FN1: variants seen among roughly 807,000 people sequenced by gnomAD.
The protein encoded by FN1 is fibronectin.
Under a neutral mutation model 297.3 loss-of-function variants are expected in FN1, and 106 were observed. The ratio of observed to expected loss-of-function variants is 0.36; its 90% CI spans 0.30 to 0.42. FN1 has a LOEUF of 0.42. Ranked by LOEUF, FN1 falls within the 10% of genes least tolerant of loss-of-function variation. The pLI is 1.00. For missense variants in FN1, 2,690 were observed against 3,124.9 expected, an observed-to-expected ratio of 0.86 and a Z score of 3.32; for synonymous variants, 1,149 against 1,152.6, an observed-to-expected ratio of 1.00 and a Z score of 0.06.
chr2:215,431,719 C>G, intron 4 of FN1, 114 bp downstream of exon 4: 1 of 1,095,218 alleles, frequency 9.1e-7, no homozygotes, highest in East Asian at 2.4e-5. Flanking sequence ...ATTCCCATTT[C>G]TTTATTGGTT....
At chr2:215,365,731 G>T in intron 42 of FN1, 101 bp from the exon 43 acceptor site, 1 of 1,066,354 alleles carries the variant, frequency 9.4e-7, no homozygotes, top group Non-Finnish European at 1.4e-6. Context: ...TCAGAACCAT[G>T]ATCTGGAAAA....
In FN1 at chr2:215,434,842, A is replaced by G; in HGVS notation, c.149-18T>C. Reference sequence around the variant, plus strand: ...ACAACCGGCTGCAAATAATTGAAGGAAAACGTTACATTTGCATTTCTCCTT... The same window carrying G: ...ACAACCGGCTGCAAATAATTGAAGGGAAACGTTACATTTGCATTTCTCCTT... On this transcript the variant is annotated intron_variant, in intron 1 of 45. Transcript: ENST00000354785. 1 of 1,568,086 alleles carries G rather than the reference A, an allele frequency of 6.4e-7. No individual in the cohort carries two copies. Among genetic ancestry groups the G allele is most frequent in the Non-Finnish European group, 8.6e-7 (1 of 1,162,518 alleles).
intron 5 of FN1, among the ~76,000 whole-genome samples, chr2:215,430,353 C>T (rs1451819982): frequency 6.6e-6 from 1 of 152,200 alleles, no homozygotes; most frequent in Non-Finnish European, 1.5e-5. Flanking sequence ...CTATCCCTAA[C>T]TCCAGAGTAG....
chr2:215,403,336 A>C (rs557306484), intron 20 of FN1, among the ~76,000 whole-genome samples: 1 of 152,306 alleles, frequency 6.6e-6, no homozygotes, highest in Non-Finnish European at 1.5e-5. Flanking sequence ...TATGGGGAAA[A>C]GTTTGTATTT....
rs777785776 is a variant in FN1 at position 215,380,828 on chromosome 2, A to G, written c.5417T>C (p.Ile1806Thr). ...LHDDMESQPLIGTQSTAIPAP... is the reference protein window; with the variant it reads ...LHDDMESQPLTGTQSTAIPAP... ...CCATATACCTGTGGACTGGGTTCCA[A>G]TCAGGGGCTGGCTCTCCATATCATC... The change falls in exon 33 of 46, where the codon ATT becomes ACT. Residue 1806 changes from isoleucine to threonine, a missense_variant. Coordinates refer to ENST00000354785, the MANE Select transcript of FN1 (RefSeq NM_212482.4). The G allele has an allele frequency of 1.1e-5, 18 of 1,613,160 alleles. No individual in the cohort carries two copies. Among genetic ancestry groups the G allele is most frequent in the African/African-American group, 4.0e-5 (3 of 74,898 alleles).
intron 20 of FN1, 100 bp from the exon 21 acceptor site, chr2:215,399,451 C>A: frequency 1.2e-6 from 1 of 809,262 alleles, no homozygotes; most frequent in Non-Finnish European, 2.2e-6. Flanking sequence ...TCAGTTTAAC[C>A]AAGCAGTGGA....
In FN1 at chr2:215,388,606, C is replaced by T. The variant is rs116023436; in HGVS notation, c.4253-305G>A. On this transcript the variant is annotated intron_variant, in intron 26 of 45. Transcript: ENST00000354785. ...AACAGCTGGATATTTCTCGCATCCA[C>T]CTGAGAGTATGTCTCTGGAGGGCAC... is the stretch of plus-strand genomic sequence containing the variant. Among the ~76,000 whole-genome samples, 647 of 152,316 alleles carry T rather than the reference C, an allele frequency of 4.2e-3. 5 individuals are homozygous for T. Among genetic ancestry groups the T allele is most frequent in the African/African-American group, 0.015 (609 of 41,564 alleles).
At chr2:215,387,911 A>G (rs902047094) in intron 27 of FN1, among the ~76,000 whole-genome samples, 1 of 152,224 alleles carries the variant, frequency 6.6e-6, no homozygotes, top group Non-Finnish European at 1.5e-5. Flanking sequence ...GCCATTAGAC[A>G]GAGCTGCCTA....
Position 215,367,976 on chromosome 2 carries a change from G to A in FN1, c.6905C>T (p.Thr2302Ile). ...PTDDSCFDPY[T>I]VSHYAVGDEW... The stretch of plus-strand genomic sequence containing the variant: ...ATCTCCAACGGCATAATGGGAAACT[G>A]TGTAGGGGTCAAAGCACGAGTCATC... The change falls in exon 42 of 46, where the codon ACA (threonine) becomes ATA (isoleucine). Residue 2302 changes from threonine (T) to isoleucine (I), a missense_variant. This residue lies in a region of FN1 where 1,743 missense variants were observed against 1,945.2 expected (regional missense o/e 0.90). Coordinates refer to ENST00000354785, the MANE Select transcript of FN1 (RefSeq NM_212482.4). 1 of 1,614,222 alleles carries A rather than the reference G, an allele frequency of 6.2e-7. No homozygotes were observed. Among genetic ancestry groups the A allele is most frequent in the Non-Finnish European group, 8.5e-7 (1 of 1,180,016 alleles).
intron 40 of FN1, among the ~76,000 whole-genome samples, chr2:215,371,268 G>A (rs181317562): frequency 1.2e-3 from 160 of 137,072 alleles, no homozygotes; most frequent in Non-Finnish European, 2.1e-3. Context: ...ACTCCATCTC[G>A]GGGAAAAAAA....
In FN1 at chr2:215,425,233, G is replaced by T. The variant is rs1448003006; in HGVS notation, c.897C>A (p.His299Gln). The change falls in exon 7 of 46, where the codon CAC becomes CAA. Residue 299 changes from histidine to glutamine, a missense_variant. Around this residue, in one of 3 missense-constraint regions of FN1, gnomAD observed 876 missense variants for 1,058.1 expected, o/e 0.83. Transcript: ENST00000354785. Reference protein sequence around the residue: ...VRAAVYQPQPHPQPPPYGHCV... With the variant: ...VRAAVYQPQPQPQPPPYGHCV... Reference sequence around the variant, plus strand: ...AGTGGCCATAGGGAGGAGGCTGGGGGTGAGGCTGCGGTTGGTAAACAGCTG... The same window carrying T: ...AGTGGCCATAGGGAGGAGGCTGGGGTTGAGGCTGCGGTTGGTAAACAGCTG... 1 of 1,614,174 alleles carries T rather than the reference G, an allele frequency of 6.2e-7. No individual in the cohort carries two copies. The highest frequency in any genetic ancestry group is 8.5e-7 in the Non-Finnish European group (1 of 1,180,032).
chr2:215,410,063 A>C lies in FN1; in HGVS notation c.1993T>G (p.Ser665Ala). The change falls in exon 14 of 46, where the codon TCC becomes GCC. Residue 665 changes from serine to alanine, a missense_variant. This residue lies in a region of FN1 where 876 missense variants were observed against 1,058.1 expected (regional missense o/e 0.83). Transcript: ENST00000354785. ...KEATIPGHLN[S>A]YTIKGLKPGV... ...GGCTTCAGGCCTTTGATGGTGTAGG[A>C]GTTTAAGTGGCCTGGTATGGTAGCT... 1 of 1,613,864 alleles carries C rather than the reference A, an allele frequency of 6.2e-7. No homozygotes were observed.
At chr2:215,387,263 A>T (rs1294715890) in intron 27 of FN1, among the ~76,000 whole-genome samples, 1 of 152,220 alleles carries the variant, frequency 6.6e-6, no homozygotes, top group African/African-American at 2.4e-5. Context: ...TTTGGAGATA[A>T]GTGTTCAAGA....
chr2:215,429,426 G>A (rs890182989), intron 5 of FN1, among the ~76,000 whole-genome samples: 42 of 152,168 alleles, frequency 2.8e-4, no homozygotes, highest in African/African-American at 9.7e-4. Flanking sequence ...GAGTATAGAG[G>A]ATCTGATGTC....
At chr2:215,366,465 TAAAAC>T (rs914243408) in intron 42 of FN1, among the ~76,000 whole-genome samples, 13 of 152,022 alleles carry the variant, frequency 8.6e-5, no homozygotes, top group African/African-American at 3.1e-4. Flanking sequence ...CCGGATAAAA[TAAAAC>T]AAAAGCAAAC....
At chr2:215,389,367 T>A (rs1394453675) in intron 26 of FN1, among the ~76,000 whole-genome samples, 2 of 152,046 alleles carry the variant, frequency 1.3e-5, no homozygotes, top group Non-Finnish European at 2.9e-5. Context: ...CCTCTCAAAG[T>A]GCTGGGATTA....
Position 215,422,264 on chromosome 2 carries a change from A to C in FN1, c.1394-21T>G, listed in dbSNP as rs190283433. 6.8e-6 allele frequency: 11 copies of C among 1,612,158 alleles called. No homozygotes were observed. In the East Asian group the frequency reaches 2.5e-4, roughly 36 times the overall value. On this transcript the variant is annotated intron_variant, in intron 9 of 45. Transcript: ENST00000354785. The stretch of plus-strand genomic sequence containing the variant: ...GTGGGCTGTTTGGAAATGGATAAGA[A>C]ATGCACTTGATAAATGATCACCAGG...
At chr2:215,398,712 T>C (rs2060611615) in intron 21 of FN1, among the ~76,000 whole-genome samples, 2 of 152,234 alleles carry the variant, frequency 1.3e-5, no homozygotes, top group Admixed American at 1.3e-4. Context: ...TTCATTTGTA[T>C]TCACCGCTTC....
At chr2:215,415,868 C>T (rs1408482332) in intron 12 of FN1, among the ~76,000 whole-genome samples, 1 of 152,020 alleles carries the variant, frequency 6.6e-6, no homozygotes, top group Admixed American at 6.5e-5. Context: ...GAACAGAAAA[C>T]TATCTTTTCT....
Sources: allele counts gnomAD v4.1 joint callset (sites outside exome capture counted in the v4.1 genomes callset), GRCh38; gene constraint gnomAD v4.1.1; regional missense constraint gnomAD v4.1.1; transcripts MANE v1.5; gene names NCBI Gene and HGNC (gene_info 2026-07-23, HGNC 2026-07-21).